The following CTNNA3 variants were observed in gnomAD, a reference collection of about 807,000 sequenced individuals.
CTNNA3 encodes the protein catenin alpha 3.
A neutral mutation model predicts 95.7 loss-of-function variants in CTNNA3; 76 were observed. The ratio of observed to expected loss-of-function variants is 0.79; its 90% CI spans 0.66 to 0.96. The LOEUF (loss-of-function observed/expected upper bound fraction) is 0.96. Ranked by LOEUF, CTNNA3 falls within the 40% of genes least tolerant of loss-of-function variation. The pLI is 0.00. For synonymous variants in CTNNA3, 431 were observed against 374.4 expected (o/e 1.15, Z -1.74); for missense variants, 1,191 against 1,089.8 (o/e 1.09, Z -1.31).
chr10:66,059,372 T>A (rs1239146748), intron 15 of CTNNA3, among the ~76,000 whole-genome samples: 1 of 152,118 alleles, frequency 6.6e-6, no homozygotes, highest in Non-Finnish European at 1.5e-5. Flanking sequence ...TTCAACAAAC[T>A]AATAGACTTC....
intron 6 of CTNNA3, among the ~76,000 whole-genome samples, chr10:67,209,421 G>A (rs1864047853): frequency 6.6e-6 from 1 of 152,120 alleles, no homozygotes; most frequent in Non-Finnish European, 1.5e-5. Context: ...TTGCTGTAAT[G>A]TGAAAGACTT....
At chr10:67,422,756 C>T (rs1845791176) in intron 5 of CTNNA3, among the ~76,000 whole-genome samples, 1 of 152,122 alleles carries the variant, frequency 6.6e-6, no homozygotes, top group African/African-American at 2.4e-5. Context: ...CTGTACGTTT[C>T]CTGAGGCCTC....
At position 66,033,135 on chromosome 10, in the gene CTNNA3, C is replaced by CTTTT. The variant is rs10665142; in HGVS notation, c.2159+36169_2159+36172dup. On this transcript the variant is annotated intron_variant, in intron 15 of 17. Transcript: ENST00000433211. ...TGTAATAATTTTTTTTTCTTTTTTT[C>CTTTT]TTTTTTTTTTTTTTGAGACGAGTCT... Among the ~76,000 whole-genome samples, 71 of 131,890 alleles carry CTTTT rather than the reference C, an allele frequency of 5.4e-4. 2 individuals are homozygous for CTTTT. Among genetic ancestry groups the CTTTT allele is most frequent in the South Asian group, 1.4e-3 (6 of 4,152 alleles). 86.5% of individuals were successfully genotyped at this position (131,890 alleles called of 152,430 possible). A position where few individuals can be genotyped will look rare whatever the true frequency, so the allele number is the denominator to read the frequency against.
At chr10:66,865,089 A>T (rs1844113654) in intron 7 of CTNNA3, among the ~76,000 whole-genome samples, 1 of 152,102 alleles carries the variant, frequency 6.6e-6, no homozygotes, top group African/African-American at 2.4e-5. Flanking sequence ...AAATCATTTA[A>T]CCTCTTAAGA....
chr10:66,190,395 G>A (rs931191030), intron 13 of CTNNA3, among the ~76,000 whole-genome samples: 1 of 152,108 alleles, frequency 6.6e-6, no homozygotes, highest in Admixed American at 6.6e-5. Flanking sequence ...GTGTGTGTCT[G>A]TTGGAAGAGT....
intron 5 of CTNNA3, among the ~76,000 whole-genome samples, chr10:67,320,058 T>C (rs1841243952): frequency 6.6e-6 from 1 of 152,188 alleles, no homozygotes; most frequent in African/African-American, 2.4e-5. Context: ...CGGCATGTTG[T>C]AAACTTGGTA....
intron 6 of CTNNA3, among the ~76,000 whole-genome samples, chr10:67,210,657 T>C (rs183722367): frequency 2.8e-4 from 42 of 152,002 alleles, no homozygotes; most frequent in Admixed American, 1.8e-3. Flanking sequence ...CATTTTTCCA[T>C]AGCTATTTGA....
At chr10:67,457,028 T>A (rs1847198626) in intron 5 of CTNNA3, among the ~76,000 whole-genome samples, 1 of 152,166 alleles carries the variant, frequency 6.6e-6, no homozygotes, top group African/African-American at 2.4e-5. Context: ...GTAAGCCAGT[T>A]GCAGTGTTTC....
At chr10:67,015,406 A>C (rs1852595487) in intron 7 of CTNNA3, 1 of 152,284 alleles carries the variant, frequency 6.6e-6, no homozygotes, top group African/African-American at 2.4e-5. Flanking sequence ...GTTTTGTTTC[A>C]GAATGTCTTT....
chr10:66,843,257 T>C (rs1351122822), intron 7 of CTNNA3, among the ~76,000 whole-genome samples: 2 of 152,014 alleles, frequency 1.3e-5, no homozygotes, highest in African/African-American at 4.8e-5. Flanking sequence ...TCACAGGGGA[T>C]CAGTAGTTCT....
At chr10:66,636,775 G>A (rs1845351503) in intron 9 of CTNNA3, among the ~76,000 whole-genome samples, 1 of 151,982 alleles carries the variant, frequency 6.6e-6, no homozygotes, top group Admixed American at 6.6e-5. Context: ...CATGTTCCAG[G>A]CACTGAAAGA....
chr10:67,630,039 A>T (rs1349431843), intron 2 of CTNNA3, among the ~76,000 whole-genome samples: 1 of 152,206 alleles, frequency 6.6e-6, no homozygotes, highest in Admixed American at 6.5e-5. Flanking sequence ...CTCTCATGGC[A>T]GAGCACGTCA....
At chr10:66,080,546 C>T (rs1381853) in intron 14 of CTNNA3, among the ~76,000 whole-genome samples, 119,116 of 152,080 alleles carry the variant, frequency 0.78, 47,077 homozygotes, top group South Asian at 0.91. Flanking sequence ...AAAAAAGTAT[C>T]GCTTCCACAT....
chr10:66,218,852 A>C (rs903177204), intron 13 of CTNNA3, among the ~76,000 whole-genome samples: 1 of 152,188 alleles, frequency 6.6e-6, no homozygotes, highest in Non-Finnish European at 1.5e-5. Context: ...TGTTCATAGA[A>C]TTTTGACTTT....
chr10:65,977,669 C>T (rs117709327), intron 16 of CTNNA3, among the ~76,000 whole-genome samples: 10,908 of 151,952 alleles, frequency 0.072, 437 homozygotes, highest in East Asian at 0.11. Flanking sequence ...ATAGTCCCAG[C>T]TACTTGGGTG....
intron 12 of CTNNA3, among the ~76,000 whole-genome samples, chr10:66,304,130 C>T (rs773386134): frequency 6.6e-6 from 1 of 151,932 alleles, no homozygotes; most frequent in Non-Finnish European, 1.5e-5. Context: ...AGAGATAGGA[C>T]AAACATATTG....
At chr10:67,354,067 G>C (rs750759084) in intron 5 of CTNNA3, among the ~76,000 whole-genome samples, 2 of 152,002 alleles carry the variant, frequency 1.3e-5, no homozygotes, top group Non-Finnish European at 2.9e-5. Context: ...ATTGGCACAA[G>C]GCTAGCTTTC....
Position 65,934,698 on chromosome 10 carries a change from C to T in CTNNA3, c.2401-14081G>A, listed in dbSNP as rs80137235. 9.8e-3 allele frequency among the ~76,000 whole-genome samples: 1,496 copies of T among 151,970 alleles called. 32 individuals are homozygous for T. Among genetic ancestry groups the T allele is most frequent in the African/African-American group, 0.034 (1,395 of 41,458 alleles). On this transcript the variant is annotated intron_variant, in intron 17 of 17. Coordinates refer to ENST00000433211, the MANE Select transcript of CTNNA3 (RefSeq NM_013266.4). ...TTAACAATTCCCTCAGAAAGAAATA[C>T]AAAAATATGGGCAGAGAGGTCAATC... is the stretch of plus-strand genomic sequence containing the variant.
chr10:66,519,400 T>C (rs943687673), intron 11 of CTNNA3, among the ~76,000 whole-genome samples: 1 of 152,180 alleles, frequency 6.6e-6, no homozygotes, highest in African/African-American at 2.4e-5. Flanking sequence ...ATACATATAA[T>C]GGTTGTTGAA....
Sources: gnomAD v4.1 joint callset for allele counts (sites outside exome capture counted in the v4.1 genomes callset) on GRCh38, gnomAD v4.1.1 for gene constraint, MANE v1.5 for transcripts, NCBI Gene and HGNC (gene_info 2026-07-23, HGNC 2026-07-21) for gene names.